The following CNTN2 variants were observed in gnomAD, a reference collection of about 807,000 sequenced individuals.
CNTN2 encodes contactin-2.
Under a neutral mutation model 117.5 loss-of-function variants are expected in CNTN2, and 53 were observed. The observed-to-expected ratio is 0.45, with a 90% CI of 0.36 to 0.57. CNTN2 has a LOEUF of 0.57. CNTN2 is among the 20% of genes least tolerant of loss of function. The pLI, the probability that CNTN2 is intolerant of heterozygous loss-of-function variation, is 0.00. For synonymous variants in CNTN2, 530 were observed against 561.7 expected, an observed-to-expected ratio of 0.94 and a Z score of 0.80; for missense variants, 1,106 against 1,404.3, an observed-to-expected ratio of 0.79 and a Z score of 3.39.
At chr1:205,052,387 T>A (rs1451979370) in intron 1 of CNTN2, among the ~76,000 whole-genome samples, 6 of 152,206 alleles carry the variant, frequency 3.9e-5, no homozygotes, top group Admixed American at 6.5e-5. Flanking sequence ...AGGGAACAGG[T>A]TCTTCTCCAG....
At chr1:205,063,667 A>AG (rs890188278) in intron 10 of CNTN2, 2 of 53,188 alleles carry the variant, frequency 3.8e-5, no homozygotes, top group South Asian at 2.0e-3. Context: ...AGAAAAGAAA[A>AG]AGAAAGAAAG....
intron 2 of CNTN2, among the ~76,000 whole-genome samples, chr1:205,054,384 A>G (rs1287785963): frequency 6.6e-6 from 1 of 152,114 alleles, no homozygotes; most frequent in Non-Finnish European, 1.5e-5. Context: ...AACAGGGCTG[A>G]CTCAGAGTGT....
chr1:205,048,358 G>C lies in CNTN2; in HGVS notation c.-86-4742G>C, dbSNP rs567732683. ...GTTGGAGCCCCACTCATAGCCTTCT[G>C]TCCCCCAGCTGTCCCCCAGGCCCTT... On this transcript the variant is annotated intron_variant, in intron 1 of 22. Transcript: ENST00000331830. The surrounding 1 kb of genome is among the most constrained non-coding windows in gnomAD (Gnocchi z 4.1). Among the ~76,000 whole-genome samples, 2 of 152,218 alleles carry C rather than the reference G, an allele frequency of 1.3e-5. No individual in the cohort carries two copies. The highest frequency in any genetic ancestry group is 4.2e-4 in the South Asian group (2 of 4,816).
chr1:205,062,125 G>A (rs1240398203), intron 9 of CNTN2, 124 bp downstream of exon 9: 2 of 1,291,194 alleles, frequency 1.5e-6, no homozygotes, highest in Admixed American at 2.5e-5. Context: ...GTGTCAGAGG[G>A]TGGTCCTAGG....
Position 205,074,227 on chromosome 1 carries a change from A to G in CNTN2, c.*462A>G, listed in dbSNP as rs1654749435. ...ACCTCACCATCCTTCAGTCTAAGGA[A>G]GAAGGGCAAGCCCTGGGACCAAGAG... On this transcript the variant is annotated 3_prime_UTR_variant, in exon 23 of 23. Coordinates refer to ENST00000331830, the MANE Select transcript of CNTN2 (RefSeq NM_005076.5). 2.4e-6 allele frequency: 1 copy of G among 415,472 alleles called. No homozygotes were observed. The highest frequency in any genetic ancestry group is 4.3e-6 in the Non-Finnish European group (1 of 235,218). 25.7% of individuals were successfully genotyped at this position (415,472 alleles called of 1,614,324 possible). A position where few individuals can be genotyped will look rare whatever the true frequency, so the allele number is the denominator to read the frequency against.
At position 205,070,438 on chromosome 1, in the gene CNTN2, C is replaced by A. The variant is rs1472958978; in HGVS notation, c.2444C>A (p.Ala815Asp). The A allele has an allele frequency of 1.2e-6, 2 of 1,613,282 alleles. No homozygotes were observed. The highest frequency in any genetic ancestry group is 1.7e-5 in the Admixed American group (1 of 59,968). ...VYSAEEEPRV[A>D]PTKVWAKGVS... ...TATTGGTCCCCAGAGCCCAGGGTGGCCCCTACCAAGGTGTGGGCCAAAGGG... is the reference window on the plus strand; with the variant it reads ...TATTGGTCCCCAGAGCCCAGGGTGGACCCTACCAAGGTGTGGGCCAAAGGG... The change falls in exon 19 of 23, where the codon GCC (alanine) becomes GAC (aspartate). Residue 815 changes from alanine (A) to aspartate (D), a missense_variant. By Grantham distance (126) the Ala-to-Asp change is moderately radical (BLOSUM62 -2). Coordinates refer to ENST00000331830, the MANE Select transcript of CNTN2 (RefSeq NM_005076.5).
rs1654687741 is a variant in CNTN2, at chr1:205,073,240, C to G, written c.3013+4C>G. 5.0e-6 allele frequency: 8 copies of G among 1,613,654 alleles called. No homozygotes were observed. Among genetic ancestry groups the G allele is most frequent in the Non-Finnish European group, 5.9e-6 (7 of 1,179,808 alleles). ...GTCCACATCGTGAGGAATGGAGGTG[C>G]TGCTCCTCCCCTACCCTTATCCCCT... On this transcript the variant is annotated splice_donor_region_variant and intron_variant, in intron 22 of 22. Transcript: ENST00000331830. The surrounding 1 kb of genome is among the most constrained non-coding windows in gnomAD (Gnocchi z 6.3).
Position 205,061,468 on chromosome 1 carries a change from G to A in CNTN2, c.973+48G>A, listed in dbSNP as rs777359152. 113 of 1,508,468 alleles carry A rather than the reference G, an allele frequency of 7.5e-5. No homozygotes were observed. In the South Asian group the frequency reaches 1.0e-3, roughly 14 times the overall value. 93.4% of individuals were successfully genotyped at this position (1,508,468 alleles called of 1,614,324 possible). On this transcript the variant is annotated intron_variant, in intron 8 of 22. Transcript: ENST00000331830. This position sits in a 1 kb window ranked among gnomAD's most constrained non-coding sequence, Gnocchi z 4.8. ...TCCGCCCCTCCCGACCCCCCTTCCCGCCTTCACCCTTGTCCCCAAGGAAAC... is the reference window on the plus strand; with the variant it reads ...TCCGCCCCTCCCGACCCCCCTTCCCACCTTCACCCTTGTCCCCAAGGAAAC...
rs911402607 is a variant in CNTN2, at chr1:205,058,885, C to T, written c.488-199C>T. 1.3e-5 allele frequency: 9 copies of T among 673,978 alleles called. No homozygotes were observed. Among genetic ancestry groups the T allele is most frequent in the African/African-American group, 5.4e-5 (3 of 55,252 alleles). The allele number at this position is 673,978 out of a possible 1,614,324, so 41.7% of individuals were successfully genotyped here. On this transcript the variant is annotated intron_variant, in intron 5 of 22. Transcript: ENST00000331830. This position sits in a 1 kb window ranked among gnomAD's most constrained non-coding sequence, Gnocchi z 4.3. ...CAAACTGGGTGGCCCCTGAGGGCTG[C>T]GATCCCTGGCAGACTTAGCGCTCCC...
rs1654735669 is a variant in CNTN2, at chr1:205,073,992, T to C, written c.*227T>C. 6.7e-6 allele frequency: 4 copies of C among 599,322 alleles called. No homozygotes were observed. The highest frequency in any genetic ancestry group is 2.7e-5 in the East Asian group (1 of 36,370). 37.1% of individuals were successfully genotyped at this position (599,322 alleles called of 1,614,324 possible). A position where few individuals can be genotyped will look rare whatever the true frequency, so the allele number is the denominator to read the frequency against. On this transcript the variant is annotated 3_prime_UTR_variant, in exon 23 of 23. Transcript: ENST00000331830. The surrounding 1 kb of genome is among the most constrained non-coding windows in gnomAD (Gnocchi z 6.3). ...AATTGAGAGGCACCAGGCAGTAACT[T>C]CCATGATGACACTGACGCCTATACC...
At chr1:205,072,257 T>A in intron 20 of CNTN2, 124 bp downstream of exon 20, 1 of 1,052,998 alleles carries the variant, frequency 9.5e-7, no homozygotes, top group Non-Finnish European at 1.4e-6. Flanking sequence ...GAACAGAAAT[T>A]AGGCAGCGAG....
chr1:205,052,524 C>T (rs566909797), intron 1 of CNTN2, among the ~76,000 whole-genome samples: 1 of 152,314 alleles, frequency 6.6e-6, no homozygotes, highest in Admixed American at 6.5e-5. Flanking sequence ...GGGGGCATTG[C>T]TAATGGGGCC....
At position 205,061,082 on chromosome 1, in the gene CNTN2, G is replaced by C; in HGVS notation, c.798-163G>C. ...CCCTGCGTGTGCTCCGAGCCTACCT[G>C]GGAGAGGAGAGTGAGGATCAGCCAG... On this transcript the variant is annotated intron_variant, in intron 7 of 22. Coordinates refer to ENST00000331830, the MANE Select transcript of CNTN2 (RefSeq NM_005076.5). This position sits in a 1 kb window ranked among gnomAD's most constrained non-coding sequence, Gnocchi z 4.8. 1 of 737,608 alleles carries C rather than the reference G, an allele frequency of 1.4e-6. No homozygotes were observed. The highest frequency in any genetic ancestry group is 1.9e-5 in the South Asian group (1 of 51,446). The allele number at this position is 737,608 out of a possible 1,614,324, so 45.7% of individuals were successfully genotyped here. A position where few individuals can be genotyped will look rare whatever the true frequency, so the allele number is the denominator to read the frequency against.
At position 205,065,424 on chromosome 1, in the gene CNTN2, C is replaced by T. The variant is rs11240346; in HGVS notation, c.1695+162C>T. On this transcript the variant is annotated intron_variant, in intron 13 of 22. Transcript: ENST00000331830. This position sits in a 1 kb window ranked among gnomAD's most constrained non-coding sequence, Gnocchi z 4.1. ...AGCTCATCCTTGGATGAACAGCTGA[C>T]CTTCCTGGATTCCACCCAGGGACCA... 0.13 allele frequency among the ~76,000 whole-genome samples: 19,672 copies of T among 152,110 alleles called. 1,959 individuals are homozygous for T. The highest frequency in any genetic ancestry group is 0.46 in the East Asian group (2,342 of 5,124).
At chr1:205,064,784 A>C in intron 12 of CNTN2, 34 bp downstream of exon 12, 1 of 1,611,388 alleles carries the variant, frequency 6.2e-7, no homozygotes, top group Non-Finnish European at 8.5e-7. Context: ...CCGGGGGCTC[A>C]GCCTCCTCAG....
chr1:205,073,801 C>A lies in CNTN2; in HGVS notation c.*36C>A. On this transcript the variant is annotated 3_prime_UTR_variant, in exon 23 of 23. Transcript: ENST00000331830. The surrounding 1 kb of genome is among the most constrained non-coding windows in gnomAD (Gnocchi z 6.3). ...CCTCCCTCTGCGCCGCAGCTGGACG[C>A]CACCTCCGACGGACACAGCCAGCCC... The A allele has an allele frequency of 6.5e-7, 1 of 1,546,584 alleles. No homozygotes were observed. Among genetic ancestry groups the A allele is most frequent in the Non-Finnish European group, 8.9e-7 (1 of 1,124,668 alleles).
chr1:205,059,605 C>G lies in CNTN2; in HGVS notation c.720C>G (p.Ser240Arg). The change falls in exon 7 of 23, where the codon AGC (serine) becomes AGG (arginine). Residue 240 changes from serine (S) to arginine (R), a missense_variant. Physicochemically the swap from Ser to Arg is moderately radical, Grantham distance 110. Coordinates refer to ENST00000331830, the MANE Select transcript of CNTN2 (RefSeq NM_005076.5). The surrounding 1 kb of genome is among the most constrained non-coding windows in gnomAD (Gnocchi z 5.6). ...CAGATACCCGGCTCTTTGCACCCAG[C>G]ATCAAGGCCCGGTTCCCAGCAGAGA... ...AAEDTRLFAP[S>R]IKARFPAETY... The G allele has an allele frequency of 6.2e-7, 1 of 1,614,200 alleles. No individual in the cohort carries two copies. Among genetic ancestry groups the G allele is most frequent in the Non-Finnish European group, 8.5e-7 (1 of 1,180,040 alleles).
In CNTN2 at chr1:205,059,748, G is replaced by C; in HGVS notation, c.797+66G>C. Reference sequence around the variant, plus strand: ...GGGGGCACAGGTGACCCCAGGGTGAGGGCAGGCAGAGTCAGGGCTCTTATC... The same window carrying C: ...GGGGGCACAGGTGACCCCAGGGTGACGGCAGGCAGAGTCAGGGCTCTTATC... On this transcript the variant is annotated intron_variant, in intron 7 of 22. Coordinates refer to ENST00000331830, the MANE Select transcript of CNTN2 (RefSeq NM_005076.5). The surrounding 1 kb of genome is among the most constrained non-coding windows in gnomAD (Gnocchi z 5.6). 7.4e-7 allele frequency: 1 copy of C among 1,342,408 alleles called. No individual in the cohort carries two copies. The allele number at this position is 1,342,408 out of a possible 1,614,324, so 83.2% of individuals were successfully genotyped here.
intron 1 of CNTN2, among the ~76,000 whole-genome samples, chr1:205,052,020 G>C (rs143830126): frequency 1.2e-4 from 19 of 152,168 alleles, no homozygotes; most frequent in African/African-American, 3.6e-4. Context: ...GAGATGGGAC[G>C]GGTCTTGCAG....
Sources: gnomAD v4.1 joint callset for allele counts (sites outside exome capture counted in the v4.1 genomes callset) on GRCh38, gnomAD v4.1.1 for gene constraint, Gnocchi (gnomAD v3.1) non-coding constraint, MANE v1.5 for transcripts, NCBI Gene and HGNC (gene_info 2026-07-23, HGNC 2026-07-21) for gene names.